The following ZBTB20 variants were observed in gnomAD, a reference collection of about 807,000 sequenced individuals.
ZBTB20 encodes the protein zinc finger and BTB domain-containing protein 20.
In ZBTB20, 9 loss-of-function variants were observed where a neutral mutation model predicts 56.9. The ratio of observed to expected loss-of-function variants is 0.16; its 90% CI spans 0.10 to 0.28. The LOEUF (loss-of-function observed/expected upper bound fraction) is 0.28, where lower values mean the gene tolerates loss of function less well. Ranked by LOEUF, ZBTB20 falls within the 10% of genes least tolerant of loss-of-function variation. The pLI is 1.00. For missense variants in ZBTB20, 655 were observed against 1,003.0 expected, an observed-to-expected ratio of 0.65 and a Z score of 4.69; for synonymous variants, 417 against 420.7, an observed-to-expected ratio of 0.99 and a Z score of 0.11.
At chr3:114,903,892 A>G (rs1418816905) in intron 3 of ZBTB20, among the ~76,000 whole-genome samples, 1 of 151,982 alleles carries the variant, frequency 6.6e-6, no homozygotes, top group Non-Finnish European at 1.5e-5. Flanking sequence ...GTAAAAAAAA[A>G]CGTTAGAGTC....
intron 11 of ZBTB20, among the ~76,000 whole-genome samples, chr3:114,349,082 C>T (rs773442555): frequency 3.3e-5 from 5 of 151,910 alleles, no homozygotes; most frequent in Middle Eastern, 3.4e-3. Flanking sequence ...TGCCTGTAGA[C>T]CCAGCTACTT....
At chr3:114,646,287 T>G (rs181031369) in intron 6 of ZBTB20, among the ~76,000 whole-genome samples, 1 of 152,064 alleles carries the variant, frequency 6.6e-6, no homozygotes, top group South Asian at 2.1e-4. Flanking sequence ...AAAACTTTTA[T>G]GTAGAGATGA....
At chr3:115,034,870 A>G (rs1194979118) in intron 2 of ZBTB20, among the ~76,000 whole-genome samples, 1 of 152,028 alleles carries the variant, frequency 6.6e-6, no homozygotes, top group Admixed American at 6.5e-5. Flanking sequence ...TGGCGTAAAG[A>G]CAAACTAAGA....
intron 2 of ZBTB20, among the ~76,000 whole-genome samples, chr3:114,992,826 G>A (rs1305357596): frequency 2.0e-5 from 3 of 151,868 alleles, no homozygotes; most frequent in South Asian, 2.1e-4. Context: ...ACCCAGATAC[G>A]TGCCATGAGT....
At chr3:114,680,349 A>T (rs2061895884) in intron 6 of ZBTB20, among the ~76,000 whole-genome samples, 1 of 152,172 alleles carries the variant, frequency 6.6e-6, no homozygotes, top group Admixed American at 6.5e-5. Context: ...TGCCTTGCCT[A>T]TTCTTCTATA....
In ZBTB20 at chr3:114,409,679, T is replaced by TA. The variant is rs1054389994; in HGVS notation, c.-254-20575dup. On this transcript the variant is annotated intron_variant, in intron 7 of 11. Coordinates refer to ENST00000675478, the MANE Select transcript of ZBTB20 (RefSeq NM_001348800.3). Reference sequence around the variant, plus strand: ...AGCTTTTTAATTCTGACCTTAAGAATAAAAAAAAATCAAAGCTATGTTTTT... The same window carrying TA: ...AGCTTTTTAATTCTGACCTTAAGAATAAAAAAAAAATCAAAGCTATGTTTTT... 6.9e-4 allele frequency among the ~76,000 whole-genome samples: 105 copies of TA among 151,402 alleles called. 1 individual carries two copies. Among genetic ancestry groups the TA allele is most frequent in the African/African-American group, 2.3e-3 (95 of 41,282 alleles).
intron 11 of ZBTB20, among the ~76,000 whole-genome samples, chr3:114,344,343 G>A (rs1211900959): frequency 1.3e-5 from 2 of 152,296 alleles, no homozygotes; most frequent in African/African-American, 4.8e-5. Flanking sequence ...TCCAAGTAGA[G>A]AGTTGTACTA....
At chr3:114,988,864 T>C (rs187812330) in intron 2 of ZBTB20, among the ~76,000 whole-genome samples, 1 of 152,340 alleles carries the variant, frequency 6.6e-6, no homozygotes, top group African/African-American at 2.4e-5. Context: ...ATGATGAGCA[T>C]TTTTTCATGT....
At chr3:114,456,197 G>GTATATA (rs562329000) in intron 7 of ZBTB20, among the ~76,000 whole-genome samples, 1 of 149,420 alleles carries the variant, frequency 6.7e-6, no homozygotes, top group African/African-American at 2.5e-5. Context: ...GTGTGTTTAT[G>GTATATA]TATATATATA....
chr3:114,548,237 G>C (rs1328631568), intron 6 of ZBTB20, among the ~76,000 whole-genome samples: 2 of 152,196 alleles, frequency 1.3e-5, no homozygotes, highest in African/African-American at 4.8e-5. Flanking sequence ...CAGGAGAAAG[G>C]AAAACTCACA....
chr3:115,010,384 T>A (rs1032051061), intron 2 of ZBTB20, among the ~76,000 whole-genome samples: 1 of 151,942 alleles, frequency 6.6e-6, no homozygotes, highest in Non-Finnish European at 1.5e-5. Context: ...ACAAGGGAGC[T>A]TGGGTTACTC....
At chr3:114,712,332 A>G (rs989456189) in intron 5 of ZBTB20, among the ~76,000 whole-genome samples, 1 of 152,070 alleles carries the variant, frequency 6.6e-6, no homozygotes, top group Non-Finnish European at 1.5e-5. Flanking sequence ...AGTTATATAA[A>G]ATTCTTTAGA....
At chr3:114,346,683 A>ATT (rs34177643) in intron 11 of ZBTB20, among the ~76,000 whole-genome samples, 4 of 136,920 alleles carry the variant, frequency 2.9e-5, no homozygotes, top group African/African-American at 8.1e-5. Flanking sequence ...TCTCAAACAG[A>ATT]TTTTTTTTTT....
At chr3:114,941,730 C>A (rs866012793) in intron 3 of ZBTB20, among the ~76,000 whole-genome samples, 9 of 146,128 alleles carry the variant, frequency 6.2e-5, no homozygotes, top group Admixed American at 3.3e-4. Context: ...AACAATAAAT[C>A]AATCTCTACG....
intron 2 of ZBTB20, among the ~76,000 whole-genome samples, chr3:115,008,054 T>C (rs898955680): frequency 2.0e-5 from 3 of 151,792 alleles, no homozygotes; most frequent in Admixed American, 2.0e-4. Flanking sequence ...AGTGATTATA[T>C]TCACATCTTC....
At chr3:114,347,421 T>C (rs1267881447) in intron 11 of ZBTB20, among the ~76,000 whole-genome samples, 1 of 152,184 alleles carries the variant, frequency 6.6e-6, no homozygotes, top group Non-Finnish European at 1.5e-5. Context: ...AGAGTCCAAC[T>C]CTACTCTTAC....
chr3:115,087,590 G>C (rs1237119101), intron 1 of ZBTB20, among the ~76,000 whole-genome samples: 1 of 151,944 alleles, frequency 6.6e-6, no homozygotes, highest in Admixed American at 6.6e-5. Context: ...CAAAAAAGCT[G>C]GATTGTCCAA....
At chr3:114,701,035 A>G (rs2063359172) in intron 5 of ZBTB20, among the ~76,000 whole-genome samples, 1 of 152,232 alleles carries the variant, frequency 6.6e-6, no homozygotes, top group Non-Finnish European at 1.5e-5. Flanking sequence ...AGGGTAGTTA[A>G]TCAATGAGCT....
chr3:114,564,634 T>C (rs1198366218), intron 6 of ZBTB20, among the ~76,000 whole-genome samples: 3 of 152,186 alleles, frequency 2.0e-5, no homozygotes, highest in Non-Finnish European at 4.4e-5. Flanking sequence ...CATTTATATT[T>C]AAATTTGTCC....
Sources: allele counts gnomAD v4.1 joint callset (sites outside exome capture counted in the v4.1 genomes callset), GRCh38; gene constraint gnomAD v4.1.1; transcripts MANE v1.5; gene names NCBI Gene and HGNC (gene_info 2026-07-23, HGNC 2026-07-21).